The following DST variants were observed in gnomAD, a reference collection of about 807,000 sequenced individuals.
DST encodes bullous pemphigoid antigen.
Under a neutral mutation model 875.2 loss-of-function variants are expected in DST, and 253 were observed. That is an observed-to-expected ratio of 0.29 (90% CI 0.26 to 0.32). The LOEUF (loss-of-function observed/expected upper bound fraction) is 0.32, where lower values mean the gene tolerates loss of function less well. Ranked by LOEUF, DST falls within the 10% of genes least tolerant of loss-of-function variation. The pLI is 1.00. For missense variants in DST, 8,287 were observed against 9,111.6 expected, an observed-to-expected ratio of 0.91 and a Z score of 3.68; for synonymous variants, 3,124 against 3,197.1, an observed-to-expected ratio of 0.98 and a Z score of 0.77.
At chr6:56,462,014 T>C (rs750397392) in intron 102 of DST, 2 of 152,234 alleles carry the variant, frequency 1.3e-5, no homozygotes, top group Non-Finnish European at 2.9e-5. Context: ...CTGTCACTTA[T>C]TATTAATGTG....
intron 49 of DST, among the ~76,000 whole-genome samples, chr6:56,583,134 T>G (rs1484765858): frequency 6.6e-6 from 1 of 152,190 alleles, no homozygotes; most frequent in Non-Finnish European, 1.5e-5. Context: ...CTGGGTCAAA[T>G]AGTATTTCTA....
intron 36 of DST, chr6:56,617,385 C>G (rs201988313): frequency 6.2e-7 from 1 of 1,613,716 alleles, no homozygotes; most frequent in South Asian, 1.1e-5. Context: ...GTTGTGACTT[C>G]TGTATGCATA....
At chr6:56,908,893 G>T (rs149793131) in intron 2 of DST, among the ~76,000 whole-genome samples, 1 of 152,170 alleles carries the variant, frequency 6.6e-6, no homozygotes, top group Non-Finnish European at 1.5e-5. Context: ...TGGTCTAAAA[G>T]GGGGATGCAT....
At chr6:56,701,199 A>G (rs1185527109) in intron 8 of DST, among the ~76,000 whole-genome samples, 1 of 151,550 alleles carries the variant, frequency 6.6e-6, no homozygotes, top group Non-Finnish European at 1.5e-5. Flanking sequence ...TCTGACTCTC[A>G]CTGTCTTCAA....
In DST at chr6:56,482,509, T is replaced by C. The variant is rs796380746; in HGVS notation, c.21402+174A>G. ...AGAATGCCTCCCTCTAGCAGTAATT[T>C]AAATTCATGAGGGAGGGTGGGAGAA... On this transcript the variant is annotated intron_variant, in intron 89 of 103. Transcript: ENST00000680361. The C allele has an allele frequency of 2.4e-5, 15 of 627,316 alleles. No homozygotes were observed. In the African/African-American group the frequency reaches 2.8e-4, roughly 12 times the overall value. 38.9% of individuals were successfully genotyped at this position (627,316 alleles called of 1,614,324 possible).
At chr6:56,632,112 T>C (rs1194901399) in intron 28 of DST, 72 bp from the exon 29 acceptor site, 3 of 1,271,792 alleles carry the variant, frequency 2.4e-6, no homozygotes, top group Non-Finnish European at 2.2e-6. Context: ...TGTTTTAATA[T>C]GAGAATTTTA....
chr6:56,950,960 G>A (rs1437973647), intron 2 of DST, among the ~76,000 whole-genome samples: 2 of 152,116 alleles, frequency 1.3e-5, no homozygotes, highest in Non-Finnish European at 2.9e-5. Flanking sequence ...ACTTAGTGAG[G>A]AGAAAATAGC....
At position 56,572,751 on chromosome 6, in the gene DST, A is replaced by G. The variant is rs771936096; in HGVS notation, c.13550T>C (p.Met4517Thr). ...TGAGTAGTAAGGGAGGCATACCTGC[A>G]TATACTGAGACAATTCAGTAACATC... ...GKDVTELSQY[M>T]QESTSEFLEH... Residue 4517 changes from methionine (M) to threonine (T), a missense_variant, in exon 52 of 104, where the codon ATG becomes ACG. Physicochemically the swap from Met to Thr is moderately conservative, Grantham distance 81. This residue lies in a region of DST where 1,513 missense variants were observed against 1,677.8 expected (regional missense o/e 0.90). Coordinates refer to ENST00000680361, the MANE Select transcript of DST (RefSeq NM_001374736.1). 1.3e-6 allele frequency: 2 copies of G among 1,582,776 alleles called. No homozygotes were observed. Among genetic ancestry groups the G allele is most frequent in the Non-Finnish European group, 1.7e-6 (2 of 1,166,522 alleles).
intron 90 of DST, among the ~76,000 whole-genome samples, chr6:56,479,865 A>C (rs544275863): frequency 2.8e-4 from 43 of 152,334 alleles, no homozygotes; most frequent in South Asian, 6.2e-4. Context: ...AAACAAGTCC[A>C]GTCCCTACTA....
At chr6:56,781,070 G>C (rs1421232712) in intron 4 of DST, among the ~76,000 whole-genome samples, 1 of 151,698 alleles carries the variant, frequency 6.6e-6, no homozygotes, top group Non-Finnish European at 1.5e-5. Context: ...GCTCTGTTCT[G>C]TCCATTGATC....
intron 2 of DST, among the ~76,000 whole-genome samples, chr6:56,915,827 G>A (rs972416680): frequency 1.1e-4 from 16 of 152,184 alleles, no homozygotes; most frequent in African/African-American, 3.4e-4. Context: ...AATACTTTAC[G>A]CAAGGGAAGA....
intron 76 of DST, 42 bp downstream of exon 76, chr6:56,506,625 A>G (rs1283089094): frequency 6.2e-7 from 1 of 1,611,018 alleles, no homozygotes; most frequent in East Asian, 2.2e-5. Context: ...TAGTTAACTA[A>G]AAACTTTTTA....
intron 4 of DST, among the ~76,000 whole-genome samples, chr6:56,817,088 AAC>A (rs55717102): frequency 9.4e-5 from 14 of 149,320 alleles, no homozygotes; most frequent in Admixed American, 1.3e-4. Context: ...AAGCCACTTA[AAC>A]ACACACACAC....
At chr6:56,494,349 A>G (rs2095844053) in intron 82 of DST, among the ~76,000 whole-genome samples, 169 bp from the exon 83 acceptor site, 1 of 152,070 alleles carries the variant, frequency 6.6e-6, no homozygotes, top group Non-Finnish European at 1.5e-5. Flanking sequence ...CAACAATTAA[A>G]CCTACAGTCA....
Position 56,603,231 on chromosome 6 carries a change from T to C in DST, c.11131A>G (p.Ile3711Val), listed in dbSNP as rs758078116. 6.2e-7 allele frequency: 1 copy of C among 1,605,690 alleles called. No homozygotes were observed. Among genetic ancestry groups the C allele is most frequent in the Admixed American group, 1.7e-5 (1 of 58,928 alleles). ...ATTTCAGAGTCGATCGCAAGCATGA[T>C]CTGTTTCGTTCTTTCTGAAGACACG... ...SNVSSERTKQ[I>V]MLAIDSEMSK... The change falls in exon 42 of 104, where the codon ATC becomes GTC. Residue 3711 changes from isoleucine (I) to valine (V), a missense_variant. Ile to Val is a conservative substitution (Grantham distance 29). Coordinates refer to ENST00000680361, the MANE Select transcript of DST (RefSeq NM_001374736.1).
intron 4 of DST, among the ~76,000 whole-genome samples, chr6:56,761,669 G>A (rs1218386343): frequency 1.5e-4 from 23 of 151,660 alleles, no homozygotes; most frequent in Non-Finnish European, 1.5e-5. Flanking sequence ...CCTAGGGTTG[G>A]GTCCTAGCAT....
chr6:56,655,093 G>A (rs140686842), intron 10 of DST, among the ~76,000 whole-genome samples: 15 of 151,212 alleles, frequency 9.9e-5, no homozygotes, highest in Middle Eastern at 3.4e-3. Context: ...CCCAGGAGGC[G>A]GAGGTTGCAG....
chr6:56,477,498 A>G lies in DST; in HGVS notation c.21532-10T>C. 6.2e-7 allele frequency: 1 copy of G among 1,613,890 alleles called. No homozygotes were observed. ...GTTTCTTCATGAATTCCTACAGCAG[A>G]AACAAAGACTTCAATTAACTGTTGG... is the stretch of plus-strand genomic sequence containing the variant. On this transcript the variant is annotated splice_polypyrimidine_tract_variant and intron_variant, in intron 90 of 103. Coordinates refer to ENST00000680361, the MANE Select transcript of DST (RefSeq NM_001374736.1).
At chr6:56,509,894 TCTTTTATGG>T in intron 73 of DST, 21 bp from the exon 74 acceptor site, 1 of 1,531,818 alleles carries the variant, frequency 6.5e-7, no homozygotes, top group Admixed American at 2.1e-5. Context: ...AACAAAGAGA[TCTTTTATGG>T]AAAAAAGATC....
Sources: allele counts gnomAD v4.1 joint callset (sites outside exome capture counted in the v4.1 genomes callset), GRCh38; gene constraint gnomAD v4.1.1; regional missense constraint gnomAD v4.1.1; transcripts MANE v1.5; gene names NCBI Gene and HGNC (gene_info 2026-07-23, HGNC 2026-07-21).